ZGRF1: variants seen among roughly 807,000 people sequenced by gnomAD.
The protein encoded by ZGRF1 is 5'-3' DNA helicase ZGRF1.
A neutral mutation model predicts 203.5 loss-of-function variants in ZGRF1; 196 were observed. That is an observed-to-expected ratio of 0.96 (90% CI 0.86 to 1.08). The LOEUF (loss-of-function observed/expected upper bound fraction) is 1.08. ZGRF1 is among the 50% of genes least tolerant of loss of function. The pLI is 0.00. For synonymous variants in ZGRF1, 809 were observed against 841.3 expected, an observed-to-expected ratio of 0.96 and a Z score of 0.66; for missense variants, 2,326 against 2,416.3, an observed-to-expected ratio of 0.96 and a Z score of 0.78.
chr4:112,547,536 A>T, intron 23 of ZGRF1, 128 bp from the exon 24 acceptor site: 3 of 790,308 alleles, frequency 3.8e-6, no homozygotes, highest in Non-Finnish European at 5.9e-6. Flanking sequence ...GTACTAATAA[A>T]GCTTAGTAGT....
Position 112,544,381 on chromosome 4 carries a change from T to C in ZGRF1, c.5598+2904A>G, listed in dbSNP as rs186389496. Among the ~76,000 whole-genome samples the C allele has an allele frequency of 2.0e-4, 30 of 152,282 alleles. No homozygotes were observed. The East Asian group carries it at 3.7e-3, about 19-fold the overall frequency. On this transcript the variant is annotated intron_variant, in intron 24 of 27. Coordinates refer to ENST00000505019, the MANE Select transcript of ZGRF1 (RefSeq NM_018392.5). Reference sequence around the variant, plus strand: ...CATAAACTTAAAAAAGTACTTGTCATTGAGAAAGAAACAAGATTCTGGGGT... The same window carrying C: ...CATAAACTTAAAAAAGTACTTGTCACTGAGAAAGAAACAAGATTCTGGGGT...
Position 112,618,418 on chromosome 4 carries a change from T to C in ZGRF1, c.1624A>G (p.Thr542Ala), listed in dbSNP as rs750333850. ...FNLNNFETSD[T>A]EEESQESNKI... ...TTGCTTTCCTGTGATTCCTCCTCAGTGTCACTGGTCTCAAAATTGTTCAGA... is the reference window on the plus strand; with the variant it reads ...TTGCTTTCCTGTGATTCCTCCTCAGCGTCACTGGTCTCAAAATTGTTCAGA... Residue 542 changes from threonine to alanine, a missense_variant, in exon 6 of 28, where the codon ACT becomes GCT. Physicochemically the swap from Thr to Ala is moderately conservative, Grantham distance 58. Transcript: ENST00000505019. The C allele has an allele frequency of 6.2e-7, 1 of 1,613,890 alleles. No homozygotes were observed. The highest frequency in any genetic ancestry group is 1.7e-5 in the Admixed American group (1 of 60,016).
At position 112,561,017 on chromosome 4, in the gene ZGRF1, A is replaced by G. The variant is rs372944749; in HGVS notation, c.4698-22T>C. On this transcript the variant is annotated intron_variant, in intron 18 of 27. Transcript: ENST00000505019. ...AGACCTAATAAAAATGAAGCAAATA[A>G]ACAATTTTAAAAAAAGGGGCATTTG... The G allele has an allele frequency of 2.8e-4, 437 of 1,565,992 alleles. 2 individuals are homozygous for G. In the African/African-American group the frequency reaches 5.4e-3, roughly 20 times the overall value.
At position 112,586,523 on chromosome 4, in the gene ZGRF1, G is replaced by A. The variant is rs767569104; in HGVS notation, c.3838C>T (p.Pro1280Ser). The A allele has an allele frequency of 6.2e-7, 1 of 1,613,102 alleles. No individual in the cohort carries two copies. Among genetic ancestry groups the A allele is most frequent in the South Asian group, 1.1e-5 (1 of 91,002 alleles). The change falls in exon 13 of 28, where the codon CCC becomes TCC. Residue 1280 changes from proline (P) to serine (S), a missense_variant. Transcript: ENST00000505019. ...GCTGGTATGTGAATTTGCCTTTGGG[G>A]AAGATAAGCAGATTTTATTTTCTGC... ...SGQKIKSAYL[P>S]QRQIHIPAVF...
intron 16 of ZGRF1, chr4:112,564,901 G>A: frequency 7.6e-6 from 5 of 659,434 alleles, no homozygotes; most frequent in South Asian, 3.5e-5. Flanking sequence ...CCACCGCGCC[G>A]CCGTCGCTCT....
chr4:112,579,374 C>T lies in ZGRF1; in HGVS notation c.4438+2289G>A, dbSNP rs574726970. 7.3e-5 allele frequency among the ~76,000 whole-genome samples: 9 copies of T among 122,654 alleles called. 3 individuals carry two copies. Among genetic ancestry groups the T allele is most frequent in the South Asian group, 3.0e-4 (1 of 3,320 alleles). The allele number at this position is 122,654 out of a possible 152,430, so 80.5% of individuals were successfully genotyped here. On this transcript the variant is annotated intron_variant, in intron 16 of 27. Coordinates refer to ENST00000505019, the MANE Select transcript of ZGRF1 (RefSeq NM_018392.5). ...TGAAAACTGGCACAAGACACGGATG[C>T]GCTCTCTCACCACTCCTATTCAACA...
chr4:112,544,993 A>G (rs1738468107), intron 24 of ZGRF1, among the ~76,000 whole-genome samples: 2 of 152,188 alleles, frequency 1.3e-5, no homozygotes, highest in South Asian at 4.1e-4. Context: ...AATTAACTCA[A>G]AATGGATCAA....
rs1224455374 is a variant in ZGRF1 at position 112,633,195 on chromosome 4, A to G, written c.-19T>C. On this transcript the variant is annotated 5_prime_UTR_variant, in exon 2 of 28. Coordinates refer to ENST00000505019, the MANE Select transcript of ZGRF1 (RefSeq NM_018392.5). ...TTTCCATTATTTCTTCTGAAGTTAT[A>G]AACCAGCTGGGTCCAGAAAATAGGA... 1.9e-6 allele frequency: 3 copies of G among 1,603,220 alleles called. No individual in the cohort carries two copies. The highest frequency in any genetic ancestry group is 4.5e-5 in the East Asian group (2 of 44,718).
chr4:112,610,685 C>G (rs538415840), intron 7 of ZGRF1: 1 of 152,636 alleles, frequency 6.6e-6, no homozygotes, highest in African/African-American at 2.4e-5. Flanking sequence ...AAGGAAAAAA[C>G]TTAAAATGCA....
At chr4:112,585,243 C>G (rs2149012234) in intron 14 of ZGRF1, among the ~76,000 whole-genome samples, 1 of 152,190 alleles carries the variant, frequency 6.6e-6, no homozygotes, top group South Asian at 2.1e-4. Context: ...GCACTCCATC[C>G]TGGGCAACAG....
At chr4:112,620,967 G>A (rs1003733283) in intron 4 of ZGRF1, among the ~76,000 whole-genome samples, 7 of 152,054 alleles carry the variant, frequency 4.6e-5, no homozygotes, top group African/African-American at 1.7e-4. Flanking sequence ...AGGAGTTTGA[G>A]GCTGTAGTAA....
intron 3 of ZGRF1, among the ~76,000 whole-genome samples, chr4:112,626,616 C>T (rs2047247400): frequency 6.6e-6 from 1 of 152,110 alleles, no homozygotes; most frequent in Admixed American, 6.6e-5. Flanking sequence ...GAACAGTGTG[C>T]AACTCACTCG....
intron 10 of ZGRF1, among the ~76,000 whole-genome samples, chr4:112,599,602 G>A (rs1024423212): frequency 6.6e-6 from 1 of 151,668 alleles, no homozygotes; most frequent in Non-Finnish European, 1.5e-5. Context: ...TGTGCCTACA[G>A]TCTCAGCTAC....
Position 112,609,344 on chromosome 4 carries a change from T to A in ZGRF1, c.2718+35A>T, listed in dbSNP as rs150845213. 1.4e-3 allele frequency: 1,713 copies of A among 1,246,478 alleles called. 28 individuals carry two copies. In the African/African-American group the frequency reaches 0.02, roughly 15 times the overall value. 77.2% of individuals were successfully genotyped at this position (1,246,478 alleles called of 1,614,324 possible). On this transcript the variant is annotated intron_variant, in intron 8 of 27. Coordinates refer to ENST00000505019, the MANE Select transcript of ZGRF1 (RefSeq NM_018392.5). ...CTGGGATTACAGGCATGAGCCACCA[T>A]GCCCAGGGGCTAATTTATATTTTAA...
chr4:112,606,881 A>G (rs1750849609), intron 8 of ZGRF1, among the ~76,000 whole-genome samples: 1 of 152,202 alleles, frequency 6.6e-6, no homozygotes, highest in African/African-American at 2.4e-5. Context: ...TTCATCAAGT[A>G]ATATACAAAA....
chr4:112,578,134 A>G lies in ZGRF1; in HGVS notation c.4438+3529T>C, dbSNP rs1190316681. The stretch of plus-strand genomic sequence containing the variant: ...AGCATTAAGAAACTCACTCAAAACC[A>G]CTCAACTACATGGAAACTGAACAAC... On this transcript the variant is annotated intron_variant, in intron 16 of 27. Transcript: ENST00000505019. Among the ~76,000 whole-genome samples the G allele has an allele frequency of 3.8e-4, 46 of 122,238 alleles. 9 individuals carry two copies. The highest frequency in any genetic ancestry group is 7.3e-5 in the Non-Finnish European group (4 of 54,792). 80.2% of individuals were successfully genotyped at this position (122,238 alleles called of 152,430 possible).
At chr4:112,569,116 G>A (rs1477024865) in intron 16 of ZGRF1, among the ~76,000 whole-genome samples, 1 of 152,168 alleles carries the variant, frequency 6.6e-6, no homozygotes, top group African/African-American at 2.4e-5. Context: ...TGAAAGTGCT[G>A]TTTTTGTAGG....
At chr4:112,542,365 A>G (rs1203852993) in intron 24 of ZGRF1, among the ~76,000 whole-genome samples, 3 of 152,210 alleles carry the variant, frequency 2.0e-5, no homozygotes, top group Non-Finnish European at 2.9e-5. Flanking sequence ...CATATTTATG[A>G]CAACAGTAAT....
intron 12 of ZGRF1, among the ~76,000 whole-genome samples, chr4:112,586,994 G>A (rs990464886): frequency 1.3e-5 from 2 of 152,154 alleles, no homozygotes; most frequent in Non-Finnish European, 2.9e-5. Flanking sequence ...AACAATAATT[G>A]TAATGGTAGT....
Sources: gnomAD v4.1 joint callset for allele counts (sites outside exome capture counted in the v4.1 genomes callset) on GRCh38, gnomAD v4.1.1 for gene constraint, MANE v1.5 for transcripts, NCBI Gene and HGNC (gene_info 2026-07-23, HGNC 2026-07-21) for gene names.